Variants in FBN2 observed in about 807,000 individuals in gnomAD.
The protein encoded by FBN2 is fibrillin-2.
FBN2 carries 105 observed loss-of-function variants against 355.6 expected under a neutral mutation model. That is an observed-to-expected ratio of 0.30 (90% CI 0.25 to 0.35). The LOEUF (loss-of-function observed/expected upper bound fraction) is 0.35. FBN2 is among the 10% of genes least tolerant of loss of function. FBN2 has a pLI of 1.00. For missense variants in FBN2, 3,280 were observed against 3,758.7 expected (o/e 0.87, Z 3.33); for synonymous variants, 1,350 against 1,301.2 (o/e 1.04, Z -0.81).
At chr5:128,523,341 T>C (rs1055982556) in intron 4 of FBN2, among the ~76,000 whole-genome samples, 1 of 152,106 alleles carries the variant, frequency 6.6e-6, no homozygotes, top group Admixed American at 6.6e-5. Context: ...ACTCTCTCAG[T>C]TTTCATTCCA....
intron 4 of FBN2, among the ~76,000 whole-genome samples, chr5:128,523,762 T>C (rs1008715898): frequency 6.6e-6 from 1 of 151,616 alleles, no homozygotes; most frequent in Non-Finnish European, 1.5e-5. Context: ...TTGTCACTTT[T>C]GATTTTTACT....
chr5:128,481,963 T>C (rs1755204921), intron 5 of FBN2, among the ~76,000 whole-genome samples: 1 of 152,190 alleles, frequency 6.6e-6, no homozygotes, highest in African/African-American at 2.4e-5. Context: ...GGGTTCCATA[T>C]GTAATTATAC....
At chr5:128,363,532 A>G (rs553682124) in intron 18 of FBN2, among the ~76,000 whole-genome samples, 4 of 152,152 alleles carry the variant, frequency 2.6e-5, no homozygotes, top group Non-Finnish European at 5.9e-5. Context: ...CTATGGATTG[A>G]ATTGTGTCCC....
intron 62 of FBN2, among the ~76,000 whole-genome samples, chr5:128,267,179 T>C (rs1240053583): frequency 6.6e-6 from 1 of 152,230 alleles, no homozygotes; most frequent in Non-Finnish European, 1.5e-5. Context: ...GGCTGCATAG[T>C]ATTCCATGGT....
chr5:128,413,161 G>T (rs1332344198), intron 7 of FBN2, among the ~76,000 whole-genome samples: 1 of 152,314 alleles, frequency 6.6e-6, no homozygotes, highest in East Asian at 1.9e-4. Context: ...ACTTAGCAAA[G>T]AGGTAAATTA....
At chr5:128,515,794 G>A (rs979245339) in intron 5 of FBN2, among the ~76,000 whole-genome samples, 2 of 151,502 alleles carry the variant, frequency 1.3e-5, no homozygotes, top group Non-Finnish European at 2.9e-5. Flanking sequence ...CCTTTAAGTT[G>A]TACTAAAAAA....
chr5:128,412,654 T>C (rs1160957421), intron 7 of FBN2, among the ~76,000 whole-genome samples: 1 of 152,204 alleles, frequency 6.6e-6, no homozygotes, highest in Admixed American at 6.5e-5. Context: ...CACAGTGTAC[T>C]AGAACAGCTG....
chr5:128,470,901 G>A (rs1016433850), intron 5 of FBN2, among the ~76,000 whole-genome samples: 2 of 152,144 alleles, frequency 1.3e-5, no homozygotes, highest in Non-Finnish European at 1.5e-5. Flanking sequence ...CCCTGGAGTT[G>A]TGCAATGGAA....
Position 128,395,010 on chromosome 5 carries a change from T to C in FBN2, c.1231+112A>G, listed in dbSNP as rs956201908. ...CATGTTGCCCAGGCTGGTTTTGAAC[T>C]TCTGGACTCAAGCAATCCACCTGCC... On this transcript the variant is annotated intron_variant, in intron 9 of 64. Coordinates refer to ENST00000262464, the MANE Select transcript of FBN2 (RefSeq NM_001999.4). The C allele has an allele frequency of 2.2e-5, 28 of 1,248,960 alleles. 1 individual carries two copies. Among genetic ancestry groups the C allele is most frequent in the Non-Finnish European group, 2.7e-5 (23 of 858,570 alleles). The allele number at this position is 1,248,960 out of a possible 1,614,324, so 77.4% of individuals were successfully genotyped here.
intron 5 of FBN2, among the ~76,000 whole-genome samples, chr5:128,472,424 A>G (rs1754886336): frequency 6.6e-6 from 1 of 152,140 alleles, no homozygotes. Flanking sequence ...TACAAGATAA[A>G]AAGACTTCTG....
intron 55 of FBN2, among the ~76,000 whole-genome samples, chr5:128,283,093 C>G (rs1749026238): frequency 6.6e-6 from 1 of 152,202 alleles, no homozygotes; most frequent in Non-Finnish European, 1.5e-5. Context: ...CTTCCAACAG[C>G]TAAACTATCT....
intron 15 of FBN2, 140 bp downstream of exon 15, chr5:128,374,488 G>T: frequency 8.6e-7 from 1 of 1,167,386 alleles, no homozygotes; most frequent in Non-Finnish European, 1.2e-6. Flanking sequence ...CTTTCACTTA[G>T]CATAATCTTT....
chr5:128,421,878 T>G (rs943780488), intron 7 of FBN2, among the ~76,000 whole-genome samples: 8 of 152,168 alleles, frequency 5.3e-5, no homozygotes, highest in Non-Finnish European at 4.4e-5. Flanking sequence ...AAGAGAATTA[T>G]GGTTGTTAAT....
chr5:128,335,702 A>G, intron 28 of FBN2, 125 bp from the exon 29 acceptor site: 3 of 1,179,222 alleles, frequency 2.5e-6, no homozygotes, highest in Non-Finnish European at 2.5e-6. Flanking sequence ...TTGATTGAAC[A>G]TTATCTTTCT....
At chr5:128,329,238 A>G (rs1476916077) in intron 33 of FBN2, among the ~76,000 whole-genome samples, 8 of 152,178 alleles carry the variant, frequency 5.3e-5, no homozygotes, top group African/African-American at 1.7e-4. Context: ...CTTTTTCACT[A>G]ATTCAAGTGT....
At position 128,510,193 on chromosome 5, in the gene FBN2, C is replaced by A. The variant is rs190475159; in HGVS notation, c.628+9080G>T. 2.7e-3 allele frequency among the ~76,000 whole-genome samples: 417 copies of A among 152,208 alleles called. 1 individual carries two copies. Among genetic ancestry groups the A allele is most frequent in the African/African-American group, 9.7e-3 (402 of 41,522 alleles). ...AATCTTTTGATTTCCCTGGGCCACA[C>A]TGGAAGAAGAATTGTCTTGGGCCAC... On this transcript the variant is annotated intron_variant, in intron 5 of 64. Transcript: ENST00000262464.
chr5:128,318,319 G>A (rs1561767855), intron 35 of FBN2, 48 bp from the exon 36 acceptor site: 2 of 1,605,056 alleles, frequency 1.2e-6, no homozygotes, highest in Non-Finnish European at 1.7e-6. Context: ...TACTTTTTCT[G>A]TGCATACTGC....
At chr5:128,486,042 C>G (rs1338549368) in intron 5 of FBN2, among the ~76,000 whole-genome samples, 4 of 151,814 alleles carry the variant, frequency 2.6e-5, no homozygotes, top group Non-Finnish European at 5.9e-5. Flanking sequence ...AGGCATTTCT[C>G]AGAGTTTAAC....
intron 5 of FBN2, among the ~76,000 whole-genome samples, chr5:128,476,896 T>C (rs1755017827): frequency 6.6e-6 from 1 of 152,216 alleles, no homozygotes; most frequent in Non-Finnish European, 1.5e-5. Flanking sequence ...AGTGGGAAAC[T>C]TTCCACAGTC....
Sources: allele counts gnomAD v4.1 joint callset (sites outside exome capture counted in the v4.1 genomes callset), GRCh38; gene constraint gnomAD v4.1.1; transcripts MANE v1.5; gene names NCBI Gene and HGNC (gene_info 2026-07-23, HGNC 2026-07-21).